Variants in ARID5B observed in about 807,000 individuals in gnomAD.
ARID5B encodes the protein AT-rich interaction domain 5B, also known as AT-rich interactive domain-containing protein 5B.
In ARID5B, 13 loss-of-function variants were observed where a neutral mutation model predicts 97.2. The observed-to-expected ratio is 0.13, with a 90% CI of 0.09 to 0.21. The LOEUF (loss-of-function observed/expected upper bound fraction) is 0.21. Among genes scored for constraint, ARID5B ranks in the 10% least tolerant of loss-of-function variants. The pLI, the probability that ARID5B is intolerant of heterozygous loss-of-function variation, is 1.00. For missense variants in ARID5B, 1,210 were observed against 1,465.3 expected (o/e 0.83, Z 2.84); for synonymous variants, 556 against 570.3 (o/e 0.97, Z 0.36).
intron 3 of ARID5B, among the ~76,000 whole-genome samples, chr10:61,991,765 C>T (rs988366520): frequency 2.0e-5 from 3 of 152,164 alleles, no homozygotes; most frequent in Admixed American, 6.5e-5. Context: ...CACGGTGGCT[C>T]ACGCCTGTAA....
chr10:61,930,262 T>G (rs1053797689), intron 2 of ARID5B, among the ~76,000 whole-genome samples: 3 of 152,250 alleles, frequency 2.0e-5, no homozygotes, highest in African/African-American at 7.2e-5. Context: ...GTAGGTGTTC[T>G]CCAAGGGTCT....
intron 3 of ARID5B, among the ~76,000 whole-genome samples, chr10:61,990,295 T>C (rs1838906053): frequency 6.6e-6 from 1 of 152,242 alleles, no homozygotes; most frequent in African/African-American, 2.4e-5. Flanking sequence ...TAGAGCATGG[T>C]GGACAAACTC....
chr10:62,071,610 A>AGTGTGT (rs146298913), intron 8 of ARID5B, among the ~76,000 whole-genome samples: 10 of 149,130 alleles, frequency 6.7e-5, no homozygotes, highest in Non-Finnish European at 1.0e-4. Flanking sequence ...AACCCATAGT[A>AGTGTGT]GTGTGTGTGT....
chr10:62,021,341 C>G (rs548114547), intron 4 of ARID5B, among the ~76,000 whole-genome samples: 1 of 152,172 alleles, frequency 6.6e-6, no homozygotes, highest in South Asian at 2.1e-4. Flanking sequence ...TGTAAAACAT[C>G]TGGGAATAAC....
chr10:62,067,089 T>TC (rs1387965033), intron 7 of ARID5B, among the ~76,000 whole-genome samples: 1 of 151,838 alleles, frequency 6.6e-6, no homozygotes, highest in Non-Finnish European at 1.5e-5. Flanking sequence ...ATATAGAACT[T>TC]CTTTTTTTTT....
chr10:61,922,971 G>A (rs1844043238), intron 2 of ARID5B, among the ~76,000 whole-genome samples: 1 of 152,034 alleles, frequency 6.6e-6, no homozygotes, highest in South Asian at 2.1e-4. Flanking sequence ...TCTGGCCAAT[G>A]TTTTTTTAAT....
intron 4 of ARID5B, among the ~76,000 whole-genome samples, chr10:62,003,246 C>T (rs891058437): frequency 2.6e-5 from 4 of 152,026 alleles, no homozygotes; most frequent in Admixed American, 2.6e-4. Context: ...GATTAACACA[C>T]CTGAAAGGTT....
rs1404939986 is a variant in ARID5B, at chr10:62,049,294, T to C, written c.734-1594T>C. On this transcript the variant is annotated intron_variant, in intron 4 of 9. Coordinates refer to ENST00000279873, the MANE Select transcript of ARID5B (RefSeq NM_032199.3). Reference sequence around the variant, plus strand: ...TCGGTGCTAGTCACTGCTGTGTGTTTACATGAGTAATGGAGCTGCCGGGGG... The same window carrying C: ...TCGGTGCTAGTCACTGCTGTGTGTTCACATGAGTAATGGAGCTGCCGGGGG... 7 of 1,468,942 alleles carry C rather than the reference T, an allele frequency of 4.8e-6. No homozygotes were observed. In the East Asian group the frequency reaches 1.8e-4, roughly 37 times the overall value. The allele number at this position is 1,468,942 out of a possible 1,614,324, so 91.0% of individuals were successfully genotyped here. A position where few individuals can be genotyped will look rare whatever the true frequency, so the allele number is the denominator to read the frequency against.
rs1401144466 is a variant in ARID5B, at chr10:62,000,048, T to C, written c.503-43T>C. 3 of 1,583,384 alleles carry C rather than the reference T, an allele frequency of 1.9e-6. No individual in the cohort carries two copies. The South Asian group carries it at 3.3e-5, about 18-fold the overall frequency. On this transcript the variant is annotated intron_variant, in intron 3 of 9. Coordinates refer to ENST00000279873, the MANE Select transcript of ARID5B (RefSeq NM_032199.3). The surrounding 1 kb of genome is among the most constrained non-coding windows in gnomAD (Gnocchi z 4.4). Reference sequence around the variant, plus strand: ...ATACCATGGCCATGAAAGTTCTTTGTCAGAGGGAAGAGGGTAATGGAAGTG... The same window carrying C: ...ATACCATGGCCATGAAAGTTCTTTGCCAGAGGGAAGAGGGTAATGGAAGTG...
intron 3 of ARID5B, among the ~76,000 whole-genome samples, chr10:61,972,064 C>T (rs930577424): frequency 1.3e-5 from 2 of 151,962 alleles, no homozygotes; most frequent in African/African-American, 4.8e-5. Context: ...CCATGTTTAT[C>T]ATAAGACAAT....
At chr10:62,038,373 A>G (rs911106609) in intron 4 of ARID5B, among the ~76,000 whole-genome samples, 12 of 151,100 alleles carry the variant, frequency 7.9e-5, no homozygotes, top group Non-Finnish European at 1.5e-4. Context: ...CCTTATTTAA[A>G]AAAAAAAAAA....
intron 9 of ARID5B, among the ~76,000 whole-genome samples, chr10:62,090,471 C>A (rs1223519887): frequency 1.3e-5 from 2 of 152,144 alleles, no homozygotes; most frequent in Non-Finnish European, 2.9e-5. Context: ...TTAAAAAAAT[C>A]TTTCTCAGGA....
In ARID5B at chr10:61,902,705, G is replaced by GTGTA. The variant is rs1554836066; in HGVS notation, c.276+295_276+296insATGT. On this transcript the variant is annotated intron_variant, in intron 2 of 9. Coordinates refer to ENST00000279873, the MANE Select transcript of ARID5B (RefSeq NM_032199.3). ...TGTGTGTGTGTGTGTGTGTGTGTATGTGTGTGTGTGTGTTCATTTGCTCTC... is the reference window on the plus strand; with the variant it reads ...TGTGTGTGTGTGTGTGTGTGTGTATGTGTATGTGTGTGTGTGTTCATTTGCTCTC... 1.5e-3 allele frequency among the ~76,000 whole-genome samples: 215 copies of GTGTA among 146,096 alleles called. 1 individual carries two copies. The highest frequency in any genetic ancestry group is 5.3e-3 in the African/African-American group (210 of 39,998).
intron 3 of ARID5B, among the ~76,000 whole-genome samples, chr10:61,991,185 T>TC (rs1838920517): frequency 6.6e-6 from 1 of 152,176 alleles, no homozygotes; most frequent in African/African-American, 2.4e-5. Flanking sequence ...TGTTTTTGAG[T>TC]CCTTGTTTTT....
In ARID5B at chr10:62,010,688, G is replaced by T. The variant is rs537941667; in HGVS notation, c.733+10367G>T. Among the ~76,000 whole-genome samples the T allele has an allele frequency of 6.4e-4, 97 of 152,314 alleles. 1 individual carries two copies. Among genetic ancestry groups the T allele is most frequent in the African/African-American group, 2.2e-3 (91 of 41,584 alleles). ...TGGTCAGTGTCTTTAGCTAAAGATT[G>T]TTCATTTGTTAGGATGCTTAAAAGA... On this transcript the variant is annotated intron_variant, in intron 4 of 9. Transcript: ENST00000279873.
At chr10:61,983,169 C>T (rs188560664) in intron 3 of ARID5B, among the ~76,000 whole-genome samples, 190 of 152,144 alleles carry the variant, frequency 1.2e-3, no homozygotes, top group African/African-American at 4.3e-3. Context: ...GTGTCTCACT[C>T]GGCTTGAAGT....
At chr10:62,071,567 A>AAAGAGAG (rs1554849729) in intron 8 of ARID5B, among the ~76,000 whole-genome samples, 1 of 146,836 alleles carries the variant, frequency 6.8e-6, no homozygotes, top group African/African-American at 2.5e-5. Flanking sequence ...AAAAAAAAAA[A>AAAGAGAG]AGAGAGAAGG....
rs1019908761 is a variant in ARID5B at position 62,095,188 on chromosome 10, G to A, written c.*2158G>A. On this transcript the variant is annotated 3_prime_UTR_variant, in exon 10 of 10. Coordinates refer to ENST00000279873, the MANE Select transcript of ARID5B (RefSeq NM_032199.3). ...TGTGAGTGCAGATTATCCTGCTATT[G>A]CACAAGCTAGAGGGGGGAAAAATCT... is the stretch of plus-strand genomic sequence containing the variant. The A allele has an allele frequency of 4.3e-6, 1 of 232,954 alleles. No homozygotes were observed. The highest frequency in any genetic ancestry group is 8.5e-6 in the Non-Finnish European group (1 of 117,678). The allele number at this position is 232,954 out of a possible 1,614,324, so 14.4% of individuals were successfully genotyped here.
intron 8 of ARID5B, among the ~76,000 whole-genome samples, chr10:62,082,605 TTATA>T (rs1358370179): frequency 6.6e-6 from 1 of 152,224 alleles, no homozygotes; most frequent in Non-Finnish European, 1.5e-5. Context: ...ACTAAATTCT[TTATA>T]TAATACAAAC....
Sources: gnomAD v4.1 joint callset for allele counts (sites outside exome capture counted in the v4.1 genomes callset) on GRCh38, gnomAD v4.1.1 for gene constraint, Gnocchi (gnomAD v3.1) non-coding constraint, MANE v1.5 for transcripts, NCBI Gene and HGNC (gene_info 2026-07-23, HGNC 2026-07-21) for gene names.